The following EPHA6 variants were observed in gnomAD, a reference collection of about 807,000 sequenced individuals.
The protein encoded by EPHA6 is EPH receptor A6.
EPHA6 carries 50 observed loss-of-function variants against 112.0 expected under a neutral mutation model. The observed-to-expected ratio is 0.45, with a 90% CI of 0.36 to 0.56. EPHA6 has a LOEUF of 0.56. Ranked by LOEUF, EPHA6 falls within the 20% of genes least tolerant of loss-of-function variation. The pLI is 0.00. For missense variants in EPHA6, 1,280 were observed against 1,417.4 expected (o/e 0.90, Z 1.56); for synonymous variants, 529 against 490.7 (o/e 1.08, Z -1.03).
chr3:97,573,218 G>A (rs2093351607), intron 11 of EPHA6, among the ~76,000 whole-genome samples: 1 of 152,124 alleles, frequency 6.6e-6, no homozygotes, highest in African/African-American at 2.4e-5. Flanking sequence ...TTAAAGTATG[G>A]TGTTAATGAG....
At chr3:96,996,709 G>A (rs9883765) in intron 3 of EPHA6, among the ~76,000 whole-genome samples, 2,754 of 152,162 alleles carry the variant, frequency 0.018, 71 homozygotes, top group African/African-American at 0.051. Context: ...GTGAACAGAT[G>A]TACTGTCATC....
At chr3:97,187,089 G>A (rs757103775) in intron 3 of EPHA6, among the ~76,000 whole-genome samples, 101 of 152,076 alleles carry the variant, frequency 6.6e-4, no homozygotes, top group Non-Finnish European at 1.1e-3. Flanking sequence ...CGAAATCTCC[G>A]TGGTGGCTTA....
intron 1 of EPHA6, among the ~76,000 whole-genome samples, chr3:96,860,352 A>G (rs908712021): frequency 1.3e-5 from 2 of 151,874 alleles, no homozygotes; most frequent in East Asian, 1.9e-4. Context: ...ATATAAAGCC[A>G]CTGTTATTTT....
chr3:97,492,963 A>C (rs1466231480), intron 10 of EPHA6, among the ~76,000 whole-genome samples: 1 of 148,330 alleles, frequency 6.7e-6, no homozygotes, highest in East Asian at 1.9e-4. Flanking sequence ...TCTTCAAAAC[A>C]TAAGCTTTTC....
intron 3 of EPHA6, among the ~76,000 whole-genome samples, chr3:97,079,715 A>G (rs2108193616): frequency 6.6e-6 from 1 of 152,108 alleles, no homozygotes; most frequent in South Asian, 2.1e-4. Context: ...TACTACAAAG[A>G]AATTTTTCAT....
chr3:97,091,003 G>T (rs1270525265), intron 3 of EPHA6, among the ~76,000 whole-genome samples: 2 of 152,020 alleles, frequency 1.3e-5, no homozygotes, highest in Non-Finnish European at 2.9e-5. Context: ...CATTTATAGT[G>T]TATTTAGCAG....
intron 14 of EPHA6, among the ~76,000 whole-genome samples, chr3:97,651,945 A>T (rs528900655): frequency 6.6e-6 from 1 of 152,080 alleles, no homozygotes; most frequent in Non-Finnish European, 1.5e-5. Context: ...TGTATAAATG[A>T]TCCCACCACC....
In EPHA6 at chr3:97,347,227, T is replaced by C. The variant is rs187777061; in HGVS notation, c.1607-57923T>C. ...TCAGATATTTTAAATTATTAAAATA[T>C]CTTCATAATTTACTTCACTTTATCC... On this transcript the variant is annotated intron_variant, in intron 5 of 17. Coordinates refer to ENST00000389672, the MANE Select transcript of EPHA6 (RefSeq NM_001080448.3). 7.2e-3 allele frequency among the ~76,000 whole-genome samples: 1,096 copies of C among 152,194 alleles called. 6 individuals are homozygous for C. Among genetic ancestry groups the C allele is most frequent in the Non-Finnish European group, 9.1e-3 (618 of 67,984 alleles).
chr3:96,846,052 G>C (rs2035056125), intron 1 of EPHA6, among the ~76,000 whole-genome samples: 1 of 151,958 alleles, frequency 6.6e-6, no homozygotes, highest in Non-Finnish European at 1.5e-5. Flanking sequence ...TTTTCAATAT[G>C]CCTGTTGTGA....
At chr3:97,160,810 C>T (rs918255764) in intron 3 of EPHA6, among the ~76,000 whole-genome samples, 27 of 152,236 alleles carry the variant, frequency 1.8e-4, no homozygotes, top group African/African-American at 6.3e-4. Flanking sequence ...AGAGGATTCC[C>T]CTTCACCAGT....
At chr3:97,068,862 C>T (rs76147611) in intron 3 of EPHA6, among the ~76,000 whole-genome samples, 1 of 152,256 alleles carries the variant, frequency 6.6e-6, no homozygotes, top group African/African-American at 2.4e-5. Flanking sequence ...AGGACCCTCA[C>T]CAGAACCTGA....
At chr3:96,890,721 A>C (rs995242350) in intron 2 of EPHA6, among the ~76,000 whole-genome samples, 5 of 152,236 alleles carry the variant, frequency 3.3e-5, no homozygotes, top group African/African-American at 1.2e-4. Flanking sequence ...GCTCTCATAC[A>C]CCACTAGTGA....
chr3:97,728,199 A>T (rs913752456), intron 15 of EPHA6, among the ~76,000 whole-genome samples: 6 of 151,958 alleles, frequency 3.9e-5, no homozygotes, highest in Admixed American at 6.6e-5. Context: ...GGAGCCAGGA[A>T]ATGTATTATT....
chr3:97,316,820 TA>T (rs201449276), intron 5 of EPHA6, among the ~76,000 whole-genome samples: 2,807 of 151,960 alleles, frequency 0.018, 79 homozygotes, highest in African/African-American at 0.057. Context: ...AAGCTTTCAT[TA>T]AAGTAAAAAT....
At chr3:97,108,006 A>G (rs1302882058) in intron 3 of EPHA6, among the ~76,000 whole-genome samples, 4 of 152,292 alleles carry the variant, frequency 2.6e-5, no homozygotes, top group South Asian at 2.1e-4. Context: ...TTGTTATTGT[A>G]TATAAGGGAC....
rs867635562 is a variant in EPHA6, at chr3:97,387,190, A to G, written c.1607-17960A>G. Among the ~76,000 whole-genome samples, 143 of 152,314 alleles carry G rather than the reference A, an allele frequency of 9.4e-4. 2 individuals are homozygous for G. Among genetic ancestry groups the G allele is most frequent in the African/African-American group, 3.3e-3 (139 of 41,578 alleles). Reference sequence around the variant, plus strand: ...GACTATTAACATTTGGCTTCTATTTACTTATGCAAATTTCTGCAGCTAGCT... The same window carrying G: ...GACTATTAACATTTGGCTTCTATTTGCTTATGCAAATTTCTGCAGCTAGCT... On this transcript the variant is annotated intron_variant, in intron 5 of 17. Coordinates refer to ENST00000389672, the MANE Select transcript of EPHA6 (RefSeq NM_001080448.3).
intron 3 of EPHA6, among the ~76,000 whole-genome samples, chr3:97,167,635 T>C (rs888116717): frequency 3.9e-5 from 6 of 152,144 alleles, no homozygotes; most frequent in African/African-American, 1.4e-4. Context: ...TGCTTTAAGA[T>C]ATAAGGTGTC....
chr3:97,483,888 C>T, intron 9 of EPHA6, 46 bp from the exon 10 acceptor site: 1 of 1,559,052 alleles, frequency 6.4e-7, no homozygotes, highest in Non-Finnish European at 8.7e-7. Flanking sequence ...ATATAGACCA[C>T]TGAGATACTC....
chr3:97,559,517 T>G (rs1228601786), intron 11 of EPHA6: 1 of 400,912 alleles, frequency 2.5e-6, no homozygotes, highest in Non-Finnish European at 4.9e-6. Flanking sequence ...CACAAAGAAA[T>G]CAGAGTGACT....
Sources: allele counts gnomAD v4.1 joint callset (sites outside exome capture counted in the v4.1 genomes callset), GRCh38; gene constraint gnomAD v4.1.1; transcripts MANE v1.5; gene names NCBI Gene and HGNC (gene_info 2026-07-23, HGNC 2026-07-21).